Variants in HS3ST5 observed in about 807,000 individuals in gnomAD.
HS3ST5 encodes heparan sulfate-glucosamine 3-sulfotransferase 5, also known as heparan sulfate glucosamine 3-O-sulfotransferase 5.
A neutral mutation model predicts 25.4 loss-of-function variants in HS3ST5; 10 were observed. That is an observed-to-expected ratio of 0.39 (90% CI 0.24 to 0.67). The LOEUF (loss-of-function observed/expected upper bound fraction) is 0.67, where lower values mean the gene tolerates loss of function less well. Among genes scored for constraint, HS3ST5 ranks in the 30% least tolerant of loss-of-function variants. HS3ST5 has a pLI of 0.44. For synonymous variants in HS3ST5, 170 were observed against 162.4 expected (o/e 1.05, Z -0.36); for missense variants, 324 against 420.7 (o/e 0.77, Z 2.01).
intron 3 of HS3ST5, among the ~76,000 whole-genome samples, chr6:114,142,471 C>T (rs988595113): frequency 5.3e-5 from 8 of 152,040 alleles, no homozygotes; most frequent in African/African-American, 1.9e-4. Context: ...GGGAGGTAAG[C>T]GTGGCTGGGA....
chr6:114,320,236 G>T (rs1582813876), intron 1 of HS3ST5, among the ~76,000 whole-genome samples: 2 of 152,170 alleles, frequency 1.3e-5, no homozygotes, highest in Non-Finnish European at 2.9e-5. Flanking sequence ...GGTCGAATTA[G>T]TAATTTCACC....
chr6:114,279,926 T>G (rs1774031933), intron 1 of HS3ST5, among the ~76,000 whole-genome samples: 1 of 151,824 alleles, frequency 6.6e-6, no homozygotes, highest in Non-Finnish European at 1.5e-5. Context: ...TATTATGGAG[T>G]AGCTAGGAAG....
chr6:114,247,779 A>T (rs1268187647), intron 1 of HS3ST5, among the ~76,000 whole-genome samples: 3 of 151,294 alleles, frequency 2.0e-5, no homozygotes, highest in Non-Finnish European at 2.9e-5. Context: ...TGTTCTACAT[A>T]CTAGATATCC....
At chr6:114,329,010 T>G (rs918916384) in intron 1 of HS3ST5, among the ~76,000 whole-genome samples, 2 of 152,236 alleles carry the variant, frequency 1.3e-5, no homozygotes, top group Non-Finnish European at 2.9e-5. Flanking sequence ...CTCTTTGTAA[T>G]GCCAAGTACT....
rs189604917 is a variant in HS3ST5, at chr6:114,268,352, T to G, written c.-338-39574A>C. ...AGCTCAGATCTGCCCAGTTTAACTCTGCCATTGTTGCTCTTCCTCCTGACT... is the reference window on the plus strand; with the variant it reads ...AGCTCAGATCTGCCCAGTTTAACTCGGCCATTGTTGCTCTTCCTCCTGACT... On this transcript the variant is annotated intron_variant, in intron 1 of 4. Transcript: ENST00000312719. Among the ~76,000 whole-genome samples, 5 of 152,336 alleles carry G rather than the reference T, an allele frequency of 3.3e-5. No individual in the cohort carries two copies. The East Asian group carries it at 7.7e-4, about 24-fold the overall frequency.
chr6:114,312,902 T>C (rs1446197583), intron 1 of HS3ST5, among the ~76,000 whole-genome samples: 1 of 151,394 alleles, frequency 6.6e-6, no homozygotes, highest in Non-Finnish European at 1.5e-5. Flanking sequence ...TGGTGGTACA[T>C]GCCTATAGTT....
intron 1 of HS3ST5, among the ~76,000 whole-genome samples, chr6:114,237,828 A>T (rs1029946153): frequency 1.3e-5 from 2 of 152,234 alleles, no homozygotes; most frequent in African/African-American, 4.8e-5. Flanking sequence ...AAACCACGAT[A>T]CCTTTTGTGC....
chr6:114,260,813 G>A (rs964026386), intron 1 of HS3ST5, among the ~76,000 whole-genome samples: 5 of 152,194 alleles, frequency 3.3e-5, no homozygotes, highest in Non-Finnish European at 7.3e-5. Context: ...GCCTAAAGTG[G>A]TTTTTTGTTT....
intron 2 of HS3ST5, among the ~76,000 whole-genome samples, chr6:114,216,577 C>T (rs1781773232): frequency 6.6e-6 from 1 of 151,812 alleles, no homozygotes; most frequent in Non-Finnish European, 1.5e-5. Context: ...TTACTATCTA[C>T]AGGAAGTTGA....
At chr6:114,163,098 G>A (rs958909039) in intron 3 of HS3ST5, among the ~76,000 whole-genome samples, 2 of 152,138 alleles carry the variant, frequency 1.3e-5, no homozygotes, top group African/African-American at 4.8e-5. Context: ...TAGGATGAAA[G>A]CTATTCAGTT....
At chr6:114,116,262 A>G (rs552937478) in intron 3 of HS3ST5, 56 of 152,160 alleles carry the variant, frequency 3.7e-4, no homozygotes, top group Non-Finnish European at 5.6e-4. Context: ...AAGATATTCT[A>G]GCATCTCAGC....
intron 1 of HS3ST5, among the ~76,000 whole-genome samples, chr6:114,310,335 T>G (rs1775476004): frequency 6.6e-6 from 1 of 152,186 alleles, no homozygotes; most frequent in Non-Finnish European, 1.5e-5. Flanking sequence ...AGAAAAGGTT[T>G]GGGATTCTAG....
intron 3 of HS3ST5, among the ~76,000 whole-genome samples, chr6:114,075,660 T>A (rs1774082966): frequency 1.3e-5 from 2 of 152,174 alleles, no homozygotes. Context: ...GCAGCCAGAC[T>A]TTTTGGTCTT....
chr6:114,289,576 G>A (rs1357861430), intron 1 of HS3ST5, among the ~76,000 whole-genome samples: 1 of 152,014 alleles, frequency 6.6e-6, no homozygotes, highest in Non-Finnish European at 1.5e-5. Flanking sequence ...CCAAGAGGTT[G>A]GTTTCCTTGT....
intron 3 of HS3ST5, among the ~76,000 whole-genome samples, chr6:114,082,613 A>G (rs1774521634): frequency 6.6e-6 from 1 of 152,258 alleles, no homozygotes; most frequent in Admixed American, 6.5e-5. Context: ...GCTTCTATTC[A>G]GTAATACTAC....
At chr6:114,127,707 C>T (rs1582630578) in intron 3 of HS3ST5, among the ~76,000 whole-genome samples, 1 of 152,026 alleles carries the variant, frequency 6.6e-6, no homozygotes, top group African/African-American at 2.4e-5. Context: ...AATTAATCAA[C>T]AAAATGTAAT....
At position 114,262,551 on chromosome 6, in the gene HS3ST5, G is replaced by GA. The variant is rs755438082; in HGVS notation, c.-338-33774dup. ...AACAGTGCGAGACTCTGTCTCAAAA[G>GA]AAAAAAAAAAAAATTCATAGCACAT... On this transcript the variant is annotated intron_variant, in intron 1 of 4. Coordinates refer to ENST00000312719, the MANE Select transcript of HS3ST5 (RefSeq NM_153612.4). Among the ~76,000 whole-genome samples the GA allele has an allele frequency of 1.9e-3, 259 of 136,002 alleles. 2 individuals carry two copies. Among genetic ancestry groups the GA allele is most frequent in the Middle Eastern group, 7.9e-3 (2 of 252 alleles). 89.2% of individuals were successfully genotyped at this position (136,002 alleles called of 152,430 possible). A position where few individuals can be genotyped will look rare whatever the true frequency, so the allele number is the denominator to read the frequency against.
rs569987470 is a variant in HS3ST5, at chr6:114,178,405, GTC to G, written c.-144-9945_-144-9944del. ...TGGCCACAAAACAAAGCAAAATCTA[GTC>G]TCTAATTATTTATGCAGCAAAAGTT... is the stretch of plus-strand genomic sequence containing the variant. On this transcript the variant is annotated intron_variant, in intron 2 of 4. Transcript: ENST00000312719. Among the ~76,000 whole-genome samples, 381 of 152,288 alleles carry G rather than the reference GTC, an allele frequency of 2.5e-3. 3 individuals carry two copies. Among genetic ancestry groups the G allele is most frequent in the African/African-American group, 8.7e-3 (363 of 41,566 alleles).
intron 2 of HS3ST5, among the ~76,000 whole-genome samples, chr6:114,180,644 T>A (rs2115022710): frequency 6.6e-6 from 1 of 152,294 alleles, no homozygotes; most frequent in East Asian, 1.9e-4. Context: ...GACTTGAACT[T>A]GTGTGCTTTT....
Sources: gnomAD v4.1 joint callset for allele counts (sites outside exome capture counted in the v4.1 genomes callset) on GRCh38, gnomAD v4.1.1 for gene constraint, MANE v1.5 for transcripts, NCBI Gene and HGNC (gene_info 2026-07-23, HGNC 2026-07-21) for gene names.